The following LITAF variants were observed in gnomAD, a reference collection of about 807,000 sequenced individuals.
LITAF encodes the protein lipopolysaccharide induced TNF factor, also known as lipopolysaccharide-induced tumor necrosis factor-alpha factor.
A neutral mutation model predicts 14.5 loss-of-function variants in LITAF; 9 were observed. The ratio of observed to expected loss-of-function variants is 0.62; its 90% CI spans 0.37 to 1.08. LITAF has a LOEUF of 1.08. Ranked by LOEUF, LITAF falls within the 50% of genes least tolerant of loss-of-function variation. The probability of loss-of-function intolerance (pLI) is 0.01; values close to 1 mark genes in which losing one functional copy is unlikely to be tolerated. For synonymous variants in LITAF, 98 were observed against 88.2 expected, an observed-to-expected ratio of 1.11 and a Z score of -0.62; for missense variants, 206 against 213.4, an observed-to-expected ratio of 0.97 and a Z score of 0.22.
At chr16:11,561,847 C>G (rs1396216430) in intron 1 of LITAF, among the ~76,000 whole-genome samples, 2 of 142,546 alleles carry the variant, frequency 1.4e-5, no homozygotes, top group Admixed American at 1.5e-4. Flanking sequence ...ACTCTTAGAA[C>G]AGCAATTAGT....
upstream of LITAF, among the ~76,000 whole-genome samples, chr16:11,639,107 A>C (rs11863153): frequency 1.7e-3 from 254 of 151,242 alleles, no homozygotes; most frequent in African/African-American, 6.0e-3. Context: ...GGTAGAGGTT[A>C]GAGGGATGGT....
At chr16:11,596,047 C>T (rs2064883053) in intron 1 of LITAF, among the ~76,000 whole-genome samples, 1 of 152,164 alleles carries the variant, frequency 6.6e-6, no homozygotes, top group Admixed American at 6.5e-5. Context: ...AGTCCCTGGT[C>T]ACCGTCTGGG....
At chr16:11,555,053 G>A (rs997661825) in intron 2 of LITAF, among the ~76,000 whole-genome samples, 2 of 151,924 alleles carry the variant, frequency 1.3e-5, no homozygotes, top group African/African-American at 4.8e-5. Context: ...TGGCAGGGGG[G>A]ACAAGGTCTT....
chr16:11,583,086 G>T (rs1001648826), intron 1 of LITAF, among the ~76,000 whole-genome samples: 2 of 152,178 alleles, frequency 1.3e-5, no homozygotes, highest in African/African-American at 4.8e-5. Flanking sequence ...CGAGAAATTG[G>T]CCTTTGGTTA....
chr16:11,626,766 C>T (rs1271872663), intron 3 of LITAF, among the ~76,000 whole-genome samples: 2 of 152,202 alleles, frequency 1.3e-5, no homozygotes, highest in Admixed American at 6.5e-5. Context: ...GCCACCTTGC[C>T]CGGCCTTTTA....
chr16:11,549,286 G>A lies in LITAF; in HGVS notation c.*351C>T, dbSNP rs184329131. ...TCAGTTTGAGACTGCCACCAGAAAG[G>A]CCCATGGAAGCAGGAAAAAAGAGCC... is the stretch of plus-strand genomic sequence containing the variant. On this transcript the variant is annotated 3_prime_UTR_variant, in exon 4 of 4. Coordinates refer to ENST00000622633, the MANE Select transcript of LITAF (RefSeq NM_001136472.2). This position sits in a 1 kb window ranked among gnomAD's most constrained non-coding sequence, Gnocchi z 4.6. The A allele has an allele frequency of 1.6e-5, 7 of 445,004 alleles. No individual in the cohort carries two copies. The East Asian group carries it at 4.9e-4, about 31-fold the overall frequency. 27.6% of individuals were successfully genotyped at this position (445,004 alleles called of 1,614,324 possible). A position where few individuals can be genotyped will look rare whatever the true frequency, so the allele number is the denominator to read the frequency against.
At chr16:11,556,382 T>G in intron 2 of LITAF, 129 bp downstream of exon 2, 2 of 727,832 alleles carry the variant, frequency 2.7e-6, no homozygotes, top group Non-Finnish European at 4.6e-6. Flanking sequence ...AATTTCAAGG[T>G]AAGGGGGTAA....
intron 3 of LITAF, among the ~76,000 whole-genome samples, chr16:11,627,880 G>C (rs1169938693): frequency 6.6e-6 from 1 of 151,852 alleles, no homozygotes; most frequent in Admixed American, 6.6e-5. Flanking sequence ...AGCCGGGCGT[G>C]GTACCACACA....
upstream of LITAF, among the ~76,000 whole-genome samples, chr16:11,603,406 G>A (rs1375169480): frequency 1.3e-5 from 2 of 152,176 alleles, no homozygotes; most frequent in South Asian, 2.1e-4. Flanking sequence ...TCTGCCTCCC[G>A]AGGGGTTTCA....
intron 3 of LITAF, among the ~76,000 whole-genome samples, chr16:11,607,717 G>A (rs188809320): frequency 4.6e-5 from 7 of 152,214 alleles, no homozygotes; most frequent in Non-Finnish European, 8.8e-5. Context: ...CATGAAAAAC[G>A]AATGAACAAC....
chr16:11,617,974 G>A (rs2065028508), intron 3 of LITAF, among the ~76,000 whole-genome samples: 2 of 151,774 alleles, frequency 1.3e-5, no homozygotes, highest in African/African-American at 4.8e-5. Flanking sequence ...GAGATCAAAC[G>A]ATCCTCCCAC....
intron 3 of LITAF, among the ~76,000 whole-genome samples, chr16:11,621,283 C>T (rs1399691117): frequency 6.6e-6 from 1 of 152,134 alleles, no homozygotes; most frequent in Non-Finnish European, 1.5e-5. Flanking sequence ...AGGCTGGTCT[C>T]GAACTCCCGA....
intron 3 of LITAF, among the ~76,000 whole-genome samples, chr16:11,618,142 C>T (rs567949401): frequency 2.0e-5 from 3 of 152,356 alleles, no homozygotes; most frequent in African/African-American, 7.2e-5. Flanking sequence ...ACTGGGATTA[C>T]AGGCGTGAGC....
chr16:11,571,280 T>A (rs1446765284), intron 1 of LITAF, among the ~76,000 whole-genome samples: 1 of 152,154 alleles, frequency 6.6e-6, no homozygotes, highest in Non-Finnish European at 1.5e-5. Flanking sequence ...ATGGCCAGGC[T>A]GGTCTCAAAC....
Position 11,585,543 on chromosome 16 carries a change from G to C in LITAF, c.-6+1343C>G, listed in dbSNP as rs375801274. On this transcript the variant is annotated intron_variant, in intron 1 of 3. Transcript: ENST00000622633. ...ACGCCATCTAGATCCTGCTCCAACT[G>C]ATAAAACCAAAACACTGGTGGAATT... is the stretch of plus-strand genomic sequence containing the variant. Among the ~76,000 whole-genome samples, 7 of 152,118 alleles carry C rather than the reference G, an allele frequency of 4.6e-5. No homozygotes were observed. The East Asian group carries it at 1.2e-3, about 25-fold the overall frequency.
intron 1 of LITAF, among the ~76,000 whole-genome samples, chr16:11,598,035 A>T (rs965097574): frequency 6.6e-6 from 1 of 152,200 alleles, no homozygotes; most frequent in African/African-American, 2.4e-5. Flanking sequence ...ACACCCGAGT[A>T]GCTGGGACTA....
chr16:11,561,572 AT>A (rs2064366310), intron 1 of LITAF: 1 of 152,208 alleles, frequency 6.6e-6, no homozygotes, highest in South Asian at 2.1e-4. Flanking sequence ...CACATTTATA[AT>A]TCTGAAAAGA....
chr16:11,550,722 C>T (rs1175426051), intron 3 of LITAF, among the ~76,000 whole-genome samples: 1 of 152,120 alleles, frequency 6.6e-6, no homozygotes, highest in Non-Finnish European at 1.5e-5. Flanking sequence ...TCTTGAACTG[C>T]TGGCCTCAAG....
Position 11,632,084 on chromosome 16 carries a change from G to A in LITAF, c.85+1449C>T, listed in dbSNP as rs1206351446. The stretch of plus-strand genomic sequence containing the variant: ...GGGTTTCACCGTGTTAACCAGGATG[G>A]TCTTGATCTCCTGACCTCGTGATCC... On this transcript the variant is annotated intron_variant, in intron 3 of 3. Transcript: ENST00000574848. This position sits in a 1 kb window ranked among gnomAD's most constrained non-coding sequence, Gnocchi z 4.8. Among the ~76,000 whole-genome samples the A allele has an allele frequency of 2.0e-5, 3 of 150,990 alleles. No individual in the cohort carries two copies. The highest frequency in any genetic ancestry group is 4.4e-5 in the Non-Finnish European group (3 of 67,712).
Sources: allele counts gnomAD v4.1 joint callset (sites outside exome capture counted in the v4.1 genomes callset), GRCh38; gene constraint gnomAD v4.1.1; non-coding constraint Gnocchi (gnomAD v3.1); transcripts MANE v1.5; gene names NCBI Gene and HGNC (gene_info 2026-07-23, HGNC 2026-07-21).